The following RRAGB variants were observed in gnomAD, a reference collection of about 807,000 sequenced individuals.
The protein encoded by RRAGB is ras-related GTP-binding protein B.
In RRAGB, 6 loss-of-function variants were observed where a neutral mutation model predicts 29.3. The ratio of observed to expected loss-of-function variants is 0.21; its 90% confidence interval spans 0.11 to 0.40. The LOEUF (loss-of-function observed/expected upper bound fraction) is 0.40. RRAGB is among the 10% of genes least tolerant of loss of function. RRAGB has a pLI of 1.00. For missense variants in RRAGB, 184 were observed against 272.9 expected, an observed-to-expected ratio of 0.67 and a Z score of 2.29; for synonymous variants, 101 against 92.5, an observed-to-expected ratio of 1.09 and a Z score of -0.53.
In RRAGB at chrX:55,755,636, G is replaced by A. The variant is rs1390756242; in HGVS notation, c.736-205G>A. On this transcript the variant is annotated intron_variant, in intron 7 of 9. Coordinates refer to ENST00000374941, the MANE Select transcript of RRAGB (RefSeq NM_006064.5). ...TAAATGATTTAATTATAACCAAATG[G>A]TACTAGATGGGCCATCTGAATGGAC... The A allele has an allele frequency of 1.2e-5, 9 of 749,234 alleles. No homozygotes were observed. The African/African-American group carries it at 1.6e-4, about 14-fold the overall frequency. 61.7% of individuals were successfully genotyped at this position (749,234 alleles called of 1,213,427 possible). A position where few individuals can be genotyped will look rare whatever the true frequency, so the allele number is the denominator to read the frequency against.
intron 3 of RRAGB, among the ~76,000 whole-genome samples, chrX:55,726,880 T>A (rs766997281): frequency 1.8e-5 from 2 of 111,610 alleles, no homozygotes; most frequent in East Asian, 5.6e-4. Flanking sequence ...GATACCTGTT[T>A]CTGAGTCGTC....
At position 55,729,168 on chromosome X, in the gene RRAGB, T is replaced by C. The variant is rs776969764; in HGVS notation, c.227-126T>C. 44 of 477,184 alleles carry C rather than the reference T, an allele frequency of 9.2e-5. 1 individual carries two copies. The South Asian group carries it at 1.5e-3, about 16-fold the overall frequency. The allele number at this position is 477,184 out of a possible 1,213,427, so 39.3% of individuals were successfully genotyped here. On this transcript the variant is annotated intron_variant, in intron 3 of 9. Transcript: ENST00000374941. Reference sequence around the variant, plus strand: ...CACACTACTCAGCTGAAAATCACCTTCTTGTTGTGGCTTTGAGCATTTCAC... The same window carrying C: ...CACACTACTCAGCTGAAAATCACCTCCTTGTTGTGGCTTTGAGCATTTCAC...
intron 5 of RRAGB, among the ~76,000 whole-genome samples, chrX:55,736,424 A>G (rs2033866479): frequency 9.0e-6 from 1 of 111,597 alleles, no homozygotes; most frequent in African/African-American, 3.3e-5. Flanking sequence ...TTTCTCTTGG[A>G]TATCATTTAG....
intron 8 of RRAGB, among the ~76,000 whole-genome samples, chrX:55,756,296 T>A (rs2034656188): frequency 8.9e-6 from 1 of 112,459 alleles, no homozygotes; most frequent in African/African-American, 3.2e-5. Context: ...AAGTATTTAC[T>A]ATTTGACTTT....
intron 5 of RRAGB, among the ~76,000 whole-genome samples, chrX:55,741,436 ACAG>A (rs2034068105): frequency 8.9e-6 from 1 of 112,488 alleles, no homozygotes; most frequent in African/African-American, 3.2e-5. Context: ...TATAAAATAA[ACAG>A]CAAGTAATAA....
chrX:55,731,733 A>G (rs1331839057), intron 5 of RRAGB, 147 bp downstream of exon 5: 12 of 423,250 alleles, frequency 2.8e-5, no homozygotes, highest in Non-Finnish European at 4.4e-5. Context: ...TACTTTAACT[A>G]AACACTCTTT....
chrX:55,718,375 G>C lies in RRAGB; in HGVS notation c.48G>C (p.Gly16=), dbSNP rs2033132364. 1.5e-5 allele frequency: 18 copies of C among 1,205,711 alleles called. No individual in the cohort carries two copies. Among genetic ancestry groups the C allele is most frequent in the Non-Finnish European group, 2.0e-5 (18 of 892,107 alleles). The change falls in exon 1 of 10, where the codon GGG becomes GGC. Residue 16 remains glycine (G), a synonymous_variant. Coordinates refer to ENST00000374941, the MANE Select transcript of RRAGB (RefSeq NM_006064.5). Reference sequence around the variant, plus strand: ...AAACGACGGAGAAAGAAAATCTGGGGCCGAGAATGGATCCACCACTAGGGG... The same window carrying C: ...AAACGACGGAGAAAGAAAATCTGGGCCCGAGAATGGATCCACCACTAGGGG... ...SEKTTEKENL[G]PRMDPPLGEP...
At chrX:55,726,911 A>T (rs1214724255) in intron 3 of RRAGB, among the ~76,000 whole-genome samples, 2 of 111,444 alleles carry the variant, frequency 1.8e-5, no homozygotes, top group Non-Finnish European at 3.8e-5. Context: ...TGGCAAATAA[A>T]ATAATAAGAA....
At chrX:55,720,281 A>G (rs1175003649) in intron 2 of RRAGB, among the ~76,000 whole-genome samples, 3 of 112,205 alleles carry the variant, frequency 2.7e-5, no homozygotes, top group Non-Finnish European at 5.6e-5. Context: ...GTATACATAT[A>G]TCAAACATTG....
intron 5 of RRAGB, among the ~76,000 whole-genome samples, chrX:55,747,812 G>GCTCCCTCTCCTT (rs1313980678): frequency 3.7e-5 from 3 of 81,215 alleles, no homozygotes; most frequent in Non-Finnish European, 8.0e-5. Context: ...GATTATTCTC[G>GCTCCCTCTCCTT]CTCCCTCTCC....
At chrX:55,752,583 T>C (rs765071334) in intron 6 of RRAGB, among the ~76,000 whole-genome samples, 1 of 112,305 alleles carries the variant, frequency 8.9e-6, no homozygotes, top group Non-Finnish European at 1.9e-5. Context: ...CATACCTGCT[T>C]GATGCTGTTG....
intron 5 of RRAGB, chrX:55,731,832 C>T: frequency 6.8e-6 from 2 of 296,101 alleles, no homozygotes; most frequent in Non-Finnish European, 1.2e-5. Flanking sequence ...CACTAAGCAG[C>T]ATTTATTTAT....
At chrX:55,734,404 T>C (rs181254817) in intron 5 of RRAGB, among the ~76,000 whole-genome samples, 1 of 111,071 alleles carries the variant, frequency 9.0e-6, no homozygotes, top group East Asian at 2.8e-4. Flanking sequence ...TTTTGTACTT[T>C]GAGTGCATAG....
chrX:55,734,940 C>T (rs1168132932), intron 5 of RRAGB, among the ~76,000 whole-genome samples: 5 of 111,910 alleles, frequency 4.5e-5, no homozygotes, highest in Non-Finnish European at 3.8e-5. Flanking sequence ...TTGAGAATTC[C>T]TCTTGGAATT....
intron 5 of RRAGB, among the ~76,000 whole-genome samples, chrX:55,745,941 A>G (rs1014682036): frequency 2.9e-4 from 33 of 112,063 alleles, no homozygotes; most frequent in African/African-American, 1.0e-3. Flanking sequence ...GGTGGACCAC[A>G]GTTACATTTT....
At chrX:55,743,363 T>C (rs1313796156) in intron 5 of RRAGB, among the ~76,000 whole-genome samples, 1 of 112,531 alleles carries the variant, frequency 8.9e-6, no homozygotes, top group African/African-American at 3.2e-5. Context: ...CACCAGGTAC[T>C]TAGCTGATCA....
At chrX:55,740,450 T>G (rs1472254022) in intron 5 of RRAGB, among the ~76,000 whole-genome samples, 2 of 112,240 alleles carry the variant, frequency 1.8e-5, no homozygotes, top group Non-Finnish European at 3.8e-5. Context: ...AAGAAACAAA[T>G]TTGTTTATTC....
intron 4 of RRAGB, 78 bp from the exon 5 acceptor site, chrX:55,731,286 C>G: frequency 1.4e-6 from 1 of 738,187 alleles, no homozygotes; most frequent in Non-Finnish European, 2.0e-6. Context: ...TCACATTGAT[C>G]AAGCCAACAA....
chrX:55,730,249 A>G (rs981189951), intron 4 of RRAGB, among the ~76,000 whole-genome samples: 5 of 112,360 alleles, frequency 4.4e-5, no homozygotes, highest in East Asian at 2.8e-4. Flanking sequence ...AATACTCTTT[A>G]AGAAAATGAC....
Sources: gnomAD v4.1 joint callset for allele counts (sites outside exome capture counted in the v4.1 genomes callset) on GRCh38, gnomAD v4.1.1 for gene constraint, MANE v1.5 for transcripts, NCBI Gene and HGNC (gene_info 2026-07-23, HGNC 2026-07-21) for gene names.